Variants in ZFX observed in about 807,000 individuals in gnomAD.
ZFX encodes the protein zinc finger X-chromosomal protein.
For missense variants in ZFX, 362 were observed against 628.3 expected (o/e 0.58, Z 4.53); for synonymous variants, 196 against 226.8 (o/e 0.86, Z 1.22).
At chrX:24,189,929 A>G (rs1408540058) in intron 5 of ZFX, among the ~76,000 whole-genome samples, 1 of 112,192 alleles carries the variant, frequency 8.9e-6, no homozygotes, top group African/African-American at 3.2e-5. Context: ...TTTAAAAACC[A>G]TTTGATAAAA....
Position 24,211,130 on chromosome X carries a change from T to G in ZFX, c.2172T>G (p.Cys724Trp). ...ATCTTCCATTTAGGTGCAAGAGATG[T>G]AGAAAGGGATTTAGGCAACAGAGTG... The part of the protein sequence containing the change: ...TKDLPFRCKR[C>W]RKGFRQQSEL... The change falls in exon 10 of 10, where the codon TGT becomes TGG. Residue 724 changes from cysteine to tryptophan, a missense_variant. Cys to Trp is a radical substitution (Grantham distance 215, BLOSUM62 -2). Coordinates refer to ENST00000304543, the MANE Select transcript of ZFX (RefSeq NM_003410.4). 8.3e-7 allele frequency: 1 copy of G among 1,212,098 alleles called. No homozygotes were observed. Among genetic ancestry groups the G allele is most frequent in the East Asian group, 3.0e-5 (1 of 33,875 alleles).
chrX:24,173,684 C>T (rs1934852021), intron 4 of ZFX: 1 of 657,503 alleles, frequency 1.5e-6, no homozygotes, highest in Non-Finnish European at 2.4e-6. Flanking sequence ...CTCCCAGGCT[C>T]AAGTGATCTG....
intron 5 of ZFX, among the ~76,000 whole-genome samples, chrX:24,200,440 T>C (rs1937218078): frequency 8.9e-6 from 1 of 111,900 alleles, no homozygotes; most frequent in South Asian, 3.7e-4. Flanking sequence ...CAAGCCTGTG[T>C]GATGAAACAA....
chrX:24,202,705 A>G (rs190234022), intron 5 of ZFX, among the ~76,000 whole-genome samples: 1,350 of 112,089 alleles, frequency 0.012, 13 homozygotes, highest in Non-Finnish European at 0.018. Flanking sequence ...TTCTCACTGC[A>G]TGATGGCAAA....
chrX:24,186,745 T>TCCTG (rs1936144983), intron 5 of ZFX, among the ~76,000 whole-genome samples: 1 of 111,984 alleles, frequency 8.9e-6, no homozygotes, highest in African/African-American at 3.2e-5. Context: ...TCACAGTATA[T>TCCTG]AGCTACCTTT....
chrX:24,209,132 T>G lies in ZFX; in HGVS notation c.1234+92T>G, dbSNP rs1395657004. 9 of 1,157,594 alleles carry G rather than the reference T, an allele frequency of 7.8e-6. No homozygotes were observed. In the South Asian group the frequency reaches 9.5e-5, roughly 12 times the overall value. On this transcript the variant is annotated intron_variant, in intron 9 of 9. Transcript: ENST00000304543. Reference sequence around the variant, plus strand: ...TCCACAGGGGTGTCACAATGGCATTTTAGCTGCTAGACCATATATAGCTTT... The same window carrying G: ...TCCACAGGGGTGTCACAATGGCATTGTAGCTGCTAGACCATATATAGCTTT...
chrX:24,182,128 T>C (rs917685165), intron 5 of ZFX, among the ~76,000 whole-genome samples: 1 of 109,486 alleles, frequency 9.1e-6, no homozygotes, highest in African/African-American at 3.4e-5. Context: ...GTCATGCCAT[T>C]ACCTGAAAGG....
chrX:24,205,728 T>G (rs1471134962), intron 5 of ZFX, among the ~76,000 whole-genome samples: 2 of 110,886 alleles, frequency 1.8e-5, no homozygotes, highest in Non-Finnish European at 1.9e-5. Flanking sequence ...GTGGCGGGCA[T>G]CTGTAATCCC....
chrX:24,167,582 AAAAG>A (rs1934125889), intron 3 of ZFX, among the ~76,000 whole-genome samples: 1 of 112,020 alleles, frequency 8.9e-6, no homozygotes, highest in Non-Finnish European at 1.9e-5. Context: ...GTCCACCCAA[AAAAG>A]AAAAGATTGC....
intron 4 of ZFX, among the ~76,000 whole-genome samples, chrX:24,175,613 T>C (rs1271105357): frequency 4.5e-5 from 5 of 111,437 alleles, no homozygotes; most frequent in Non-Finnish European, 9.4e-5. Flanking sequence ...AGAATTGCTC[T>C]GTTGCCCAGG....
chrX:24,207,268 T>C (rs746774746), intron 5 of ZFX, 58 bp from the exon 6 acceptor site: 2 of 813,174 alleles, frequency 2.5e-6, no homozygotes, highest in Non-Finnish European at 3.5e-6. Flanking sequence ...TTTTTGCGAA[T>C]AGTAACATTT....
intron 5 of ZFX, among the ~76,000 whole-genome samples, chrX:24,191,747 T>A (rs1936543684): frequency 9.1e-6 from 1 of 109,579 alleles, no homozygotes; most frequent in South Asian, 4.1e-4. Flanking sequence ...CCCCCCAGGC[T>A]GGAGTGCAGT....
At chrX:24,177,570 C>T in intron 4 of ZFX, 1 of 331,874 alleles carries the variant, frequency 3.0e-6, no homozygotes, top group Non-Finnish European at 3.9e-6. Context: ...AGCGCAGCTG[C>T]ACTTGTATTT....
chrX:24,180,156 C>T (rs1010547818), intron 5 of ZFX, among the ~76,000 whole-genome samples: 8 of 109,302 alleles, frequency 7.3e-5, no homozygotes, highest in Admixed American at 5.9e-4. Context: ...CGCTTGAACC[C>T]GGGAGCCGGA....
At chrX:24,187,371 A>G in intron 5 of ZFX, among the ~76,000 whole-genome samples, 1 of 111,870 alleles carries the variant, frequency 8.9e-6, no homozygotes, top group Admixed American at 9.6e-5. Context: ...GTATAATTTA[A>G]TACTACAAAG....
In ZFX at chrX:24,211,461, A is replaced by C; in HGVS notation, c.*85A>C. On this transcript the variant is annotated 3_prime_UTR_variant, in exon 10 of 10. Transcript: ENST00000304543. ...AGCCAATCAGTCTCATTCACATACA[A>C]TACTGTATATTGATTTATGCTGTGT... 2.0e-6 allele frequency: 2 copies of C among 985,761 alleles called. No homozygotes were observed. Among genetic ancestry groups the C allele is most frequent in the Non-Finnish European group, 2.8e-6 (2 of 716,339 alleles). The allele number at this position is 985,761 out of a possible 1,213,427, so 81.2% of individuals were successfully genotyped here.
chrX:24,154,591 C>A (rs1024137324), intron 3 of ZFX, among the ~76,000 whole-genome samples: 1 of 111,272 alleles, frequency 9.0e-6, no homozygotes, highest in African/African-American at 3.3e-5. Flanking sequence ...TTGCTCTTTT[C>A]ACCCACATTT....
intron 4 of ZFX, among the ~76,000 whole-genome samples, chrX:24,178,288 T>A (rs1935341071): frequency 9.4e-6 from 1 of 105,912 alleles, no homozygotes; most frequent in Non-Finnish European, 1.9e-5. Context: ...TTTCTTTTCT[T>A]TTCTTTTTTT....
chrX:24,215,047 CA>C lies in ZFX; in HGVS notation c.*3674del, dbSNP rs1938369426. On this transcript the variant is annotated 3_prime_UTR_variant, in exon 10 of 10. Transcript: ENST00000304543. ...TCTGCAGTTCTTCCAACTGTATGAA[CA>C]AACGTTTGCCTAATAGTTGAAACAA... 1 of 111,958 alleles carries C rather than the reference CA, an allele frequency of 8.9e-6. No individual in the cohort carries two copies. Among genetic ancestry groups the C allele is most frequent in the African/African-American group, 3.2e-5 (1 of 30,788 alleles). The allele number at this position is 111,958 out of a possible 1,213,427, so 9.2% of individuals were successfully genotyped here. A position where few individuals can be genotyped will look rare whatever the true frequency, so the allele number is the denominator to read the frequency against.
Sources: gnomAD v4.1 joint callset for allele counts (sites outside exome capture counted in the v4.1 genomes callset) on GRCh38, gnomAD v4.1.1 for gene constraint, MANE v1.5 for transcripts, NCBI Gene and HGNC (gene_info 2026-07-23, HGNC 2026-07-21) for gene names.